ARHGAP32: variants seen among roughly 807,000 people sequenced by gnomAD.
The protein encoded by ARHGAP32 is rho GTPase-activating protein 32.
ARHGAP32 carries 51 observed loss-of-function variants against 186.5 expected under a neutral mutation model. The observed-to-expected ratio is 0.27, with a 90% CI of 0.22 to 0.35. The LOEUF (loss-of-function observed/expected upper bound fraction) is 0.35. Ranked by LOEUF, ARHGAP32 falls within the 10% of genes least tolerant of loss-of-function variation. The pLI, the probability that ARHGAP32 is intolerant of heterozygous loss-of-function variation, is 1.00. For synonymous variants in ARHGAP32, 950 were observed against 964.3 expected (o/e 0.99, Z 0.27); for missense variants, 2,186 against 2,623.5 (o/e 0.83, Z 3.64).
intron 1 of ARHGAP32, among the ~76,000 whole-genome samples, chr11:129,264,076 T>C (rs1945360063): frequency 6.6e-6 from 1 of 152,250 alleles, no homozygotes; most frequent in Non-Finnish European, 1.5e-5. Flanking sequence ...AGGAAATCCT[T>C]CCGCATGCTA....
chr11:129,200,394 A>C (rs560402758), intron 1 of ARHGAP32, among the ~76,000 whole-genome samples: 2 of 152,290 alleles, frequency 1.3e-5, no homozygotes, highest in South Asian at 4.1e-4. Flanking sequence ...GTGATAACTG[A>C]ATCATGGGGG....
chr11:129,109,298 G>A (rs1020217061), intron 5 of ARHGAP32, among the ~76,000 whole-genome samples: 42 of 151,932 alleles, frequency 2.8e-4, no homozygotes, highest in Non-Finnish European at 2.5e-4. Context: ...TTAACCATTC[G>A]TCTGTGGAGA....
At chr11:129,195,123 G>A (rs867578137), upstream of ARHGAP32, among the ~76,000 whole-genome samples, 10 of 151,872 alleles carry the variant, frequency 6.6e-5, no homozygotes, top group Middle Eastern at 3.4e-3. Context: ...TGTGTGCCAC[G>A]ACACCTGCTA....
intron 5 of ARHGAP32, among the ~76,000 whole-genome samples, chr11:129,111,343 T>C (rs188673974): frequency 7.9e-4 from 120 of 152,348 alleles, no homozygotes; most frequent in Non-Finnish European, 1.4e-3. Flanking sequence ...TTAAGTATTT[T>C]TGCATCTATG....
intron 10 of ARHGAP32, among the ~76,000 whole-genome samples, chr11:129,060,386 A>AT (rs1940448645): frequency 7.0e-6 from 1 of 143,580 alleles, no homozygotes; most frequent in Non-Finnish European, 1.6e-5. Context: ...GATAGATAAG[A>AT]TAGACAGACA....
chr11:129,182,089 C>T (rs10893988), intron 1 of ARHGAP32, among the ~76,000 whole-genome samples: 29,450 of 151,966 alleles, frequency 0.19, 3,054 homozygotes, highest in Non-Finnish European at 0.22. Flanking sequence ...CATATCAATA[C>T]ATAGAACTTC....
Position 129,111,440 on chromosome 11 carries a change from C to T in ARHGAP32, c.444+12006G>A, listed in dbSNP as rs537384720. 1.4e-4 allele frequency among the ~76,000 whole-genome samples: 22 copies of T among 152,296 alleles called. No homozygotes were observed. The South Asian group carries it at 3.7e-3, about 26-fold the overall frequency. ...AGAATGAGTTAGGGAGAATTCTCTC[C>T]TCTTCAATTCTTTGAAATAGTTTGA... On this transcript the variant is annotated intron_variant, in intron 5 of 22. Transcript: ENST00000682385.
chr11:128,985,939 A>G, intron 15 of ARHGAP32, 64 bp downstream of exon 15: 2 of 1,209,348 alleles, frequency 1.7e-6, no homozygotes, highest in Non-Finnish European at 2.2e-6. Flanking sequence ...ATCCAAAGGA[A>G]AAAAAAACGT....
rs528533434 is a variant in ARHGAP32, at chr11:129,066,544, C to T, written c.669+187G>A. Among the ~76,000 whole-genome samples, 4 of 152,128 alleles carry T rather than the reference C, an allele frequency of 2.6e-5. No homozygotes were observed. In the East Asian group the frequency reaches 7.7e-4, roughly 29 times the overall value. On this transcript the variant is annotated intron_variant, in intron 7 of 22. Coordinates refer to ENST00000682385, the MANE Select transcript of ARHGAP32 (RefSeq NM_001378024.1). Reference sequence around the variant, plus strand: ...TGAGTTGTTTTCCCTTATAAAATTACACACTGAACCTACTTTCATTCTAAA... The same window carrying T: ...TGAGTTGTTTTCCCTTATAAAATTATACACTGAACCTACTTTCATTCTAAA...
chr11:129,123,754 C>T lies in ARHGAP32; in HGVS notation c.359+134G>A, dbSNP rs1198937268. ...AAAACCCAAAATAAAAAAAGCATCA[C>T]CGTTATCTCCTAATTTTGACCCGAA... On this transcript the variant is annotated intron_variant, in intron 4 of 22. Transcript: ENST00000682385. This position sits in a 1 kb window ranked among gnomAD's most constrained non-coding sequence, Gnocchi z 4.6. The T allele has an allele frequency of 1.3e-6, 1 of 769,724 alleles. No individual in the cohort carries two copies. The highest frequency in any genetic ancestry group is 1.8e-5 in the African/African-American group (1 of 56,436). The allele number at this position is 769,724 out of a possible 1,614,324, so 47.7% of individuals were successfully genotyped here. A position where few individuals can be genotyped will look rare whatever the true frequency, so the allele number is the denominator to read the frequency against.
chr11:129,180,804 C>A (rs988954050), intron 1 of ARHGAP32, among the ~76,000 whole-genome samples: 2 of 152,228 alleles, frequency 1.3e-5, no homozygotes, highest in Middle Eastern at 3.4e-3. Context: ...AACCTGAATG[C>A]ATTCAATGAA....
chr11:128,987,082 T>G (rs1945895225), intron 13 of ARHGAP32, among the ~76,000 whole-genome samples: 1 of 152,186 alleles, frequency 6.6e-6, no homozygotes, highest in African/African-American at 2.4e-5. Flanking sequence ...AGATACAGAT[T>G]GTACAACACA....
intron 2 of ARHGAP32, among the ~76,000 whole-genome samples, chr11:129,155,876 G>A (rs1178684058): frequency 1.3e-5 from 2 of 152,194 alleles, no homozygotes; most frequent in Admixed American, 6.5e-5. Context: ...TGCAGGACTC[G>A]ACCCATCTCA....
Position 128,969,860 on chromosome 11 carries a change from A to C in ARHGAP32, c.5353T>G (p.Ser1785Ala), listed in dbSNP as rs754883801. Reference sequence around the variant, plus strand: ...GCCGGGGTCATGTTATCATATTGGGACATGACAGGCCCTTTCACCTTCTGC... The same window carrying C: ...GCCGGGGTCATGTTATCATATTGGGCCATGACAGGCCCTTTCACCTTCTGC... Reference protein sequence around the residue: ...ARQKVKGPVMSQYDNMTPAVQ... With the variant: ...ARQKVKGPVMAQYDNMTPAVQ... Residue 1785 changes from serine to alanine, a missense_variant, in exon 23 of 23, where the codon TCC becomes GCC. Ser to Ala is a moderately conservative substitution (Grantham distance 99, BLOSUM62 1). This residue lies in a region of ARHGAP32 where 1,502 missense variants were observed against 1,570.0 expected (regional missense o/e 0.96). Coordinates refer to ENST00000682385, the MANE Select transcript of ARHGAP32 (RefSeq NM_001378024.1). The surrounding 1 kb of genome is among the most constrained non-coding windows in gnomAD (Gnocchi z 4.8). 19 of 1,613,996 alleles carry C rather than the reference A, an allele frequency of 1.2e-5. No individual in the cohort carries two copies. The highest frequency in any genetic ancestry group is 1.5e-5 in the Non-Finnish European group (18 of 1,180,026).
intron 1 of ARHGAP32, among the ~76,000 whole-genome samples, chr11:129,201,632 G>C (rs1944455308): frequency 6.6e-6 from 1 of 152,074 alleles, no homozygotes; most frequent in Non-Finnish European, 1.5e-5. Context: ...TCTAGTAAAA[G>C]TAAACAGCCA....
chr11:129,162,799 A>G (rs2323491), intron 2 of ARHGAP32, among the ~76,000 whole-genome samples: 23,142 of 152,154 alleles, frequency 0.15, 2,129 homozygotes, highest in African/African-American at 0.26. Context: ...CGATAAAGTC[A>G]TCTTAATGAC....
chr11:128,973,791 T>A (rs917617994), intron 21 of ARHGAP32: 3 of 506,334 alleles, frequency 5.9e-6, no homozygotes, highest in African/African-American at 1.9e-5. Context: ...AGCTGGCTTG[T>A]TAACTTGGAA....
chr11:129,211,258 T>C (rs901007175), intron 1 of ARHGAP32, among the ~76,000 whole-genome samples: 36 of 152,218 alleles, frequency 2.4e-4, no homozygotes, highest in African/African-American at 8.2e-4. Flanking sequence ...GCTGTATAGA[T>C]TTTGAGTGAT....
chr11:129,039,895 A>T (rs1422948364), intron 11 of ARHGAP32, among the ~76,000 whole-genome samples: 1 of 152,228 alleles, frequency 6.6e-6, no homozygotes, highest in East Asian at 1.9e-4. Context: ...ACTCAAGTAG[A>T]ACTGCAGAAA....
Sources: allele counts gnomAD v4.1 joint callset (sites outside exome capture counted in the v4.1 genomes callset), GRCh38; gene constraint gnomAD v4.1.1; regional missense constraint gnomAD v4.1.1; non-coding constraint Gnocchi (gnomAD v3.1); transcripts MANE v1.5; gene names NCBI Gene and HGNC (gene_info 2026-07-23, HGNC 2026-07-21).